IL17RE: variants seen among roughly 807,000 people sequenced by gnomAD.
IL17RE encodes interleukin-17 receptor E.
A neutral mutation model predicts 70.7 loss-of-function variants in IL17RE; 47 were observed. The ratio of observed to expected loss-of-function variants is 0.67; its 90% CI spans 0.53 to 0.85. The LOEUF is 0.85. Among genes scored for constraint, IL17RE ranks in the 40% least tolerant of loss-of-function variants. IL17RE has a pLI of 0.00. For synonymous variants in IL17RE, 372 were observed against 381.2 expected, an observed-to-expected ratio of 0.98 and a Z score of 0.28; for missense variants, 850 against 893.9, an observed-to-expected ratio of 0.95 and a Z score of 0.63.
At chr3:9,907,142 T>C (rs780728754) in intron 6 of IL17RE, 42 bp downstream of exon 6, 1 of 1,611,546 alleles carries the variant, frequency 6.2e-7, no homozygotes, top group South Asian at 1.1e-5. Context: ...GATCACACAG[T>C]GCTAGCAAAA....
At position 9,906,999 on chromosome 3, in the gene IL17RE, G is replaced by A. The variant is rs750291269; in HGVS notation, c.565G>A (p.Ala189Thr). Residue 189 changes from alanine to threonine, a missense_variant, in exon 6 of 16, where the codon GCT (alanine) becomes ACT (threonine). Transcript: ENST00000383814. The stretch of plus-strand genomic sequence containing the variant: ...CTTTGATTTGCTGCCTGAGGCCCGG[G>A]CTATTCGGGTGACCATATCTTCAGG... ...FSFDLLPEAR[A>T]IRVTISSGPE... The A allele has an allele frequency of 3.1e-6, 5 of 1,614,146 alleles. No homozygotes were observed. The South Asian group carries it at 4.4e-5, about 14-fold the overall frequency.
chr3:9,910,991 A>G lies in IL17RE; in HGVS notation c.929A>G (p.His310Arg). Residue 310 changes from histidine (H) to arginine (R), a missense_variant, in exon 9 of 16, where the codon CAT (histidine) becomes CGT (arginine). Physicochemically the swap from His to Arg is conservative, Grantham distance 29 (BLOSUM62 0). Transcript: ENST00000383814. ...EAALCQRHDW[H>R]TLCKDLPNAT... ...GCCCTCTGCCAGAGGCACGACTGGC[A>G]TACCCTTTGCAAAGACCTCCCGAAT... 1 of 1,614,182 alleles carries G rather than the reference A, an allele frequency of 6.2e-7. No homozygotes were observed. The highest frequency in any genetic ancestry group is 2.2e-5 in the East Asian group (1 of 44,880).
At chr3:9,913,296 T>G (rs1409911036) in intron 12 of IL17RE, among the ~76,000 whole-genome samples, 5 of 151,798 alleles carry the variant, frequency 3.3e-5, no homozygotes, top group Non-Finnish European at 7.4e-5. Flanking sequence ...CCTAGCTACT[T>G]GGGAGGCTGG....
intron 3 of IL17RE, among the ~76,000 whole-genome samples, chr3:9,905,617 G>A (rs1330410561): frequency 2.6e-5 from 4 of 151,728 alleles, no homozygotes; most frequent in Non-Finnish European, 4.4e-5. Flanking sequence ...TCAGGAGATC[G>A]AGACCATCCT....
chr3:9,914,298 T>C, intron 13 of IL17RE: 1 of 929,612 alleles, frequency 1.1e-6, no homozygotes, highest in Non-Finnish European at 1.6e-6. Context: ...TCAGGGCCTG[T>C]GCTCTCCAGG....
intron 8 of IL17RE, chr3:9,910,287 A>T (rs2082860813): frequency 6.5e-6 from 1 of 153,596 alleles, no homozygotes; most frequent in African/African-American, 2.4e-5. Context: ...GAATCACTTG[A>T]GCTCGGGAGG....
At position 9,911,107 on chromosome 3, in the gene IL17RE, ACTCTCCTCTCCTCCC is replaced by A; in HGVS notation, c.979-19_979-5del. 6.2e-7 allele frequency: 1 copy of A among 1,613,530 alleles called. No individual in the cohort carries two copies. The highest frequency in any genetic ancestry group is 8.5e-7 in the Non-Finnish European group (1 of 1,179,872). ...GGCCCAGGAATTTTCTCCCTGATGA[ACTCTCCTCTCCTCCC>A]ACAGTGGTATGTTTTGGAGAAGGTG... On this transcript the variant is annotated splice_polypyrimidine_tract_variant and splice_region_variant and intron_variant, in intron 9 of 15. Coordinates refer to ENST00000383814, the MANE Select transcript of IL17RE (RefSeq NM_153480.2).
intron 2 of IL17RE, among the ~76,000 whole-genome samples, chr3:9,903,811 A>C (rs2082690052): frequency 6.6e-6 from 1 of 152,188 alleles, no homozygotes; most frequent in Non-Finnish European, 1.5e-5. Flanking sequence ...TTCCTATTTT[A>C]TGGTATGTTC....
In IL17RE at chr3:9,902,994, C is replaced by CT. The variant is rs745769280; in HGVS notation, c.63dup (p.Asp22Ter). 1.9e-6 allele frequency: 3 copies of CT among 1,614,150 alleles called. No homozygotes were observed. The East Asian group carries it at 6.7e-5, about 36-fold the overall frequency. The stretch of plus-strand genomic sequence containing the variant: ...CTCCTCCTCATAGTCATCGACCTCT[C>CT]TGACTCTGCTGGGATTGGCTTTCGC... On this transcript the variant is annotated frameshift_variant, in exon 1 of 16. Transcript: ENST00000383814. LOFTEE classifies it high-confidence loss of function.
chr3:9,915,502 G>C lies in IL17RE; in HGVS notation c.1699G>C (p.Val567Leu). 7.6e-7 allele frequency: 1 copy of C among 1,313,666 alleles called. No homozygotes were observed. The highest frequency in any genetic ancestry group is 9.6e-7 in the Non-Finnish European group (1 of 1,040,494). 81.4% of individuals were successfully genotyped at this position (1,313,666 alleles called of 1,614,324 possible). The change falls in exon 16 of 16, where the codon GTC becomes CTC. Residue 567 changes from valine to leucine, a missense_variant. Physicochemically the swap from Val to Leu is conservative, Grantham distance 32. Coordinates refer to ENST00000383814, the MANE Select transcript of IL17RE (RefSeq NM_153480.2). This position sits in a 1 kb window ranked among gnomAD's most constrained non-coding sequence, Gnocchi z 4.9. ...GTGGAGCGGCGCCGACCTTCGCCCG[G>C]TCAGCGGCCCCGACCCCCGCGCCGC... is the stretch of plus-strand genomic sequence containing the variant. Reference protein sequence around the residue: ...LLWSGADLRPVSGPDPRAAPL... With the variant: ...LLWSGADLRPLSGPDPRAAPL...
intron 8 of IL17RE, chr3:9,909,961 G>GA (rs1465505831): frequency 6.6e-6 from 1 of 152,398 alleles, no homozygotes; most frequent in Non-Finnish European, 1.5e-5. Flanking sequence ...AGATAGGAGG[G>GA]AAAGACATTC....
At position 9,916,144 on chromosome 3, in the gene IL17RE, G is replaced by A; in HGVS notation, c.*337G>A. ...TTGGGGCCGGGGTAGGGAGGCAGGAGCCATGTCAGTTCTGAAGGAGGGTGA... is the reference window on the plus strand; with the variant it reads ...TTGGGGCCGGGGTAGGGAGGCAGGAACCATGTCAGTTCTGAAGGAGGGTGA... On this transcript the variant is annotated 3_prime_UTR_variant, in exon 16 of 16. Transcript: ENST00000383814. 4.2e-6 allele frequency: 1 copy of A among 237,086 alleles called. No individual in the cohort carries two copies. Among genetic ancestry groups the A allele is most frequent in the Non-Finnish European group, 8.1e-6 (1 of 124,004 alleles). The allele number at this position is 237,086 out of a possible 1,614,324, so 14.7% of individuals were successfully genotyped here. A position where few individuals can be genotyped will look rare whatever the true frequency, so the allele number is the denominator to read the frequency against.
chr3:9,911,843 C>T (rs1006875001), intron 12 of IL17RE: 16 of 392,854 alleles, frequency 4.1e-5, no homozygotes, highest in Non-Finnish European at 7.3e-5. Flanking sequence ...GCTCTGTCAC[C>T]CAGGCTGGAG....
intron 6 of IL17RE, among the ~76,000 whole-genome samples, chr3:9,907,364 C>T (rs897857353): frequency 6.6e-6 from 1 of 151,836 alleles, no homozygotes; most frequent in African/African-American, 2.4e-5. Context: ...ATAGTGAAAC[C>T]CTGCTGCTAA....
Position 9,914,684 on chromosome 3 carries a change from T to C in IL17RE, c.1354T>C (p.Tyr452His), listed in dbSNP as rs1471003743. 6.2e-7 allele frequency: 1 copy of C among 1,614,136 alleles called. No individual in the cohort carries two copies. The highest frequency in any genetic ancestry group is 1.3e-5 in the African/African-American group (1 of 75,038). Residue 452 changes from tyrosine to histidine, a missense_variant, in exon 15 of 16, where the codon TAC becomes CAC. Coordinates refer to ENST00000383814, the MANE Select transcript of IL17RE (RefSeq NM_153480.2). ...CCTCATCCTGCTTGACTCAGTCTCT[T>C]ACAGACACCTGGGGCTCTTGATCCT... ...WKHLLCPDVS[Y>H]RHLGLLILAL...
intron 12 of IL17RE, among the ~76,000 whole-genome samples, chr3:9,912,163 G>A (rs1203730582): frequency 2.0e-5 from 3 of 152,124 alleles, no homozygotes; most frequent in Admixed American, 2.0e-4. Flanking sequence ...TGCATGCGAG[G>A]GATCTTGGTT....
intron 3 of IL17RE, among the ~76,000 whole-genome samples, chr3:9,905,057 T>C (rs1559267275): frequency 7.9e-6 from 1 of 126,080 alleles, no homozygotes; most frequent in Admixed American, 1.0e-4. Flanking sequence ...ATAGCGCCAC[T>C]GCACTCCAGC....
Position 9,916,203 on chromosome 3 carries a change from A to C in IL17RE, c.*396A>C. 6.0e-6 allele frequency: 1 copy of C among 165,578 alleles called. No individual in the cohort carries two copies. Among genetic ancestry groups the C allele is most frequent in the Non-Finnish European group, 1.3e-5 (1 of 77,452 alleles). The allele number at this position is 165,578 out of a possible 1,614,324, so 10.3% of individuals were successfully genotyped here. A position where few individuals can be genotyped will look rare whatever the true frequency, so the allele number is the denominator to read the frequency against. ...GGGATTGCAGGGGGCGGCTGAGAGA[A>C]AACCTCCTTGGGGGCCAGGGATTCC... On this transcript the variant is annotated 3_prime_UTR_variant, in exon 16 of 16. Transcript: ENST00000383814.
Position 9,910,985 on chromosome 3 carries a change from A to G in IL17RE, c.923A>G (p.Asp308Gly), listed in dbSNP as rs1387968640. ...KLEAALCQRH[D>G]WHTLCKDLPN... ...GAAGCTGCCCTCTGCCAGAGGCACG[A>G]CTGGCATACCCTTTGCAAAGACCTC... The change falls in exon 9 of 16, where the codon GAC (aspartate) becomes GGC (glycine). Residue 308 changes from aspartate (D) to glycine (G), a missense_variant. By Grantham distance (94) the Asp-to-Gly change is moderately conservative. Transcript: ENST00000383814. 1 of 1,614,076 alleles carries G rather than the reference A, an allele frequency of 6.2e-7. No homozygotes were observed. The highest frequency in any genetic ancestry group is 2.2e-5 in the East Asian group (1 of 44,894).
Sources: gnomAD v4.1 joint callset for allele counts (sites outside exome capture counted in the v4.1 genomes callset) on GRCh38, gnomAD v4.1.1 for gene constraint, Gnocchi (gnomAD v3.1) non-coding constraint, MANE v1.5 for transcripts, NCBI Gene and HGNC (gene_info 2026-07-23, HGNC 2026-07-21) for gene names.